NYAP2: variants seen among roughly 807,000 people sequenced by gnomAD.
NYAP2 encodes the protein neuronal tyrosine-phosphorylated phosphoinositide-3-kinase adaptor 2, also known as neuronal tyrosine-phosphorylated phosphoinositide-3-kinase adapter 2.
In NYAP2, 23 loss-of-function variants were observed where a neutral mutation model predicts 50.4. That is an observed-to-expected ratio of 0.46 (90% CI 0.33 to 0.65). The LOEUF is 0.65. NYAP2 is among the 30% of genes least tolerant of loss of function. The pLI, the probability that NYAP2 is intolerant of heterozygous loss-of-function variation, is 0.02. For synonymous variants in NYAP2, 394 were observed against 365.2 expected, an observed-to-expected ratio of 1.08 and a Z score of -0.90; for missense variants, 885 against 861.0, an observed-to-expected ratio of 1.03 and a Z score of -0.35.
chr2:225,615,266 A>T (rs1692968818), intron 5 of NYAP2, among the ~76,000 whole-genome samples: 1 of 152,182 alleles, frequency 6.6e-6, no homozygotes, highest in Non-Finnish European at 1.5e-5. Context: ...AAATGAAAAA[A>T]TAGATTGAGT....
chr2:225,626,675 A>C (rs1216707388), intron 5 of NYAP2, among the ~76,000 whole-genome samples: 1 of 152,132 alleles, frequency 6.6e-6, no homozygotes, highest in African/African-American at 2.4e-5. Flanking sequence ...GTTACTAAAG[A>C]TTCGTCGAGG....
chr2:225,410,685 C>T (rs1695023840), intron 3 of NYAP2, among the ~76,000 whole-genome samples: 1 of 152,020 alleles, frequency 6.6e-6, no homozygotes, highest in Non-Finnish European at 1.5e-5. Flanking sequence ...CCAAAGTTTG[C>T]TTATCACTCT....
intron 2 of NYAP2, among the ~76,000 whole-genome samples, chr2:225,402,207 C>T (rs1307887925): frequency 3.3e-5 from 5 of 151,892 alleles, no homozygotes; most frequent in African/African-American, 1.2e-4. Context: ...TACAACTGCA[C>T]AAGGGACAGT....
At chr2:225,416,281 T>A (rs951925598) in intron 3 of NYAP2, among the ~76,000 whole-genome samples, 3 of 152,114 alleles carry the variant, frequency 2.0e-5, no homozygotes, top group African/African-American at 4.8e-5. Flanking sequence ...CATGGGCAAG[T>A]TTTTTATTCC....
chr2:225,528,945 G>A (rs190824045), intron 4 of NYAP2, among the ~76,000 whole-genome samples: 3 of 152,220 alleles, frequency 2.0e-5, no homozygotes, highest in Non-Finnish European at 4.4e-5. Flanking sequence ...GTCTGCAGAC[G>A]AAGTGGAGAA....
chr2:225,500,136 C>T (rs1690580254), intron 3 of NYAP2, among the ~76,000 whole-genome samples: 5 of 152,170 alleles, frequency 3.3e-5, no homozygotes, highest in African/African-American at 1.2e-4. Context: ...GACCCAGGGA[C>T]CTCTCATTGG....
At chr2:225,445,912 C>T (rs995543829) in intron 3 of NYAP2, among the ~76,000 whole-genome samples, 105 of 152,054 alleles carry the variant, frequency 6.9e-4, no homozygotes, top group Middle Eastern at 3.4e-3. Flanking sequence ...AATATTCAAC[C>T]TTATATTGGG....
At position 225,630,618 on chromosome 2, in the gene NYAP2, A is replaced by G. The variant is rs530537139; in HGVS notation, c.1828+3492A>G. Among the ~76,000 whole-genome samples, 4 of 152,358 alleles carry G rather than the reference A, an allele frequency of 2.6e-5. No homozygotes were observed. In the East Asian group the frequency reaches 7.7e-4, roughly 29 times the overall value. On this transcript the variant is annotated intron_variant, in intron 6 of 6. Coordinates refer to ENST00000636099, the Ensembl canonical transcript of NYAP2. ...CATCTGGAAATGAAATCAAAAGCCT[A>G]TTAGCAGGGATAAAAGGGGAATGAT...
At chr2:225,439,388 A>G (rs1689434877) in intron 3 of NYAP2, among the ~76,000 whole-genome samples, 1 of 152,322 alleles carries the variant, frequency 6.6e-6, no homozygotes, top group Admixed American at 6.5e-5. Flanking sequence ...GTAAGAGAAA[A>G]AGTCACTGAG....
the NYAP2 span, among the ~76,000 whole-genome samples, chr2:225,682,752 G>GA: frequency 3.3e-5 from 5 of 152,034 alleles, no homozygotes; most frequent in African/African-American, 9.7e-5. Context: ...TCTTGAATAA[G>GA]AAAAAAATCA....
In NYAP2 at chr2:225,651,832, TGTATTGGCTTA is replaced by T. The variant is rs2106272765; in HGVS notation, c.*270_*280del. The stretch of plus-strand genomic sequence containing the variant: ...ATAAATGTAGTAAACTTGTACTATA[TGTATTGGCTTA>T]GTGGTTCTTTTTTAAATTCTTTCTC... On this transcript the variant is annotated 3_prime_UTR_variant, in exon 7 of 7. Transcript: ENST00000636099. The T allele has an allele frequency of 1.7e-5, 6 of 363,588 alleles. No individual in the cohort carries two copies. The South Asian group carries it at 3.0e-4, about 18-fold the overall frequency. The allele number at this position is 363,588 out of a possible 1,614,324, so 22.5% of individuals were successfully genotyped here. A position where few individuals can be genotyped will look rare whatever the true frequency, so the allele number is the denominator to read the frequency against.
downstream of NYAP2, among the ~76,000 whole-genome samples, chr2:225,655,913 CACACACACACACACAT>C (rs1230227534): frequency 6.4e-4 from 95 of 147,534 alleles, no homozygotes; most frequent in Non-Finnish European, 4.2e-4. Context: ...CACACACACA[CACACACACACACACAT>C]ACACACATAC....
At chr2:225,446,240 CTCTCTCTATATATA>C (rs1433382575) in intron 3 of NYAP2, among the ~76,000 whole-genome samples, 4 of 108,352 alleles carry the variant, frequency 3.7e-5, no homozygotes, top group African/African-American at 1.1e-4. Flanking sequence ...CTCTCTCTCT[CTCTCTCTATATATA>C]TATATATATA....
chr2:225,556,305 A>G (rs1691775196), intron 4 of NYAP2, among the ~76,000 whole-genome samples: 2 of 152,254 alleles, frequency 1.3e-5, no homozygotes, highest in Non-Finnish European at 2.9e-5. Context: ...ATATACAGGT[A>G]TAATCATTAT....
intron 4 of NYAP2, among the ~76,000 whole-genome samples, chr2:225,521,585 T>C (rs572025891): frequency 6.6e-6 from 1 of 152,278 alleles, no homozygotes; most frequent in South Asian, 2.1e-4. Flanking sequence ...CTTATTGATT[T>C]GCGTATATTG....
chr2:225,609,399 C>T (rs1460460171), intron 5 of NYAP2, among the ~76,000 whole-genome samples: 1 of 152,104 alleles, frequency 6.6e-6, no homozygotes, highest in Non-Finnish European at 1.5e-5. Flanking sequence ...TCCCTGCAAA[C>T]AGCTTTCCTC....
At chr2:225,637,446 A>G (rs1693440915) in intron 6 of NYAP2, among the ~76,000 whole-genome samples, 1 of 152,210 alleles carries the variant, frequency 6.6e-6, no homozygotes, top group South Asian at 2.1e-4. Context: ...CATTCTGTGC[A>G]GTCAGATCAT....
At position 225,481,310 on chromosome 2, in the gene NYAP2, A is replaced by T. The variant is rs1343466663; in HGVS notation, c.222-32061A>T. ...TTCACTAAATGGTCAAATTATAATA[A>T]TAATTATTTATTTTCTCTATTAGTT... On this transcript the variant is annotated intron_variant, in intron 3 of 6. Transcript: ENST00000636099. Among the ~76,000 whole-genome samples the T allele has an allele frequency of 2.0e-5, 3 of 152,094 alleles. No individual in the cohort carries two copies. In the South Asian group the frequency reaches 6.2e-4, roughly 32 times the overall value.
intron 4 of NYAP2, among the ~76,000 whole-genome samples, chr2:225,557,340 T>C (rs528538010): frequency 2.6e-5 from 4 of 152,306 alleles, no homozygotes; most frequent in South Asian, 4.1e-4. Flanking sequence ...CAAGCATTAG[T>C]TTACACCATG....
Sources: gnomAD v4.1 joint callset for allele counts (sites outside exome capture counted in the v4.1 genomes callset) on GRCh38, gnomAD v4.1.1 for gene constraint, MANE v1.5 for transcripts, NCBI Gene and HGNC (gene_info 2026-07-23, HGNC 2026-07-21) for gene names.